The following FUBP1 variants were observed in gnomAD, a reference collection of about 807,000 sequenced individuals.
FUBP1 encodes the protein far upstream element-binding protein 1.
FUBP1 carries 16 observed loss-of-function variants against 94.9 expected under a neutral mutation model. The ratio of observed to expected loss-of-function variants is 0.17; its 90% CI spans 0.11 to 0.26. The LOEUF (loss-of-function observed/expected upper bound fraction) is 0.26. FUBP1 is among the 10% of genes least tolerant of loss of function. The pLI is 1.00. For synonymous variants in FUBP1, 279 were observed against 254.9 expected (o/e 1.09, Z -0.90); for missense variants, 583 against 808.6 (o/e 0.72, Z 3.38).
intron 18 of FUBP1, among the ~76,000 whole-genome samples, chr1:77,952,949 C>A (rs1303207820): frequency 6.6e-6 from 1 of 151,358 alleles, no homozygotes; most frequent in African/African-American, 2.4e-5. Flanking sequence ...ACCAGCCTGG[C>A]CAACATGGTG....
rs1333142664 is a variant in FUBP1 at position 77,949,239 on chromosome 1, G to C, written c.1842C>G (p.Ala614=). The part of the protein sequence containing the change: ...PPGGQPDYSA[A]WAEYYRQQAA... ...CTTGTTGTCTATAATACTCAGCCCA[G>C]GCTGCACTATAATCTGGCTGACCAC... The change falls in exon 19 of 20, where the codon GCC becomes GCG. Residue 614 remains alanine (A), a synonymous_variant. Coordinates refer to ENST00000370768, the MANE Select transcript of FUBP1 (RefSeq NM_003902.5). 2 of 1,613,174 alleles carry C rather than the reference G, an allele frequency of 1.2e-6. No individual in the cohort carries two copies. The highest frequency in any genetic ancestry group is 1.3e-5 in the African/African-American group (1 of 74,882).
intron 2 of FUBP1, 35 bp from the exon 3 acceptor site, chr1:77,968,238 T>G (rs751775470): frequency 7.6e-7 from 1 of 1,323,376 alleles, no homozygotes; most frequent in Non-Finnish European, 1.0e-6. Context: ...TTTTTGCCAA[T>G]TAAGTACAAA....
rs1655533085 is a variant in FUBP1 at position 77,961,828 on chromosome 1, C to T, written c.1344+942G>A. On this transcript the variant is annotated intron_variant, in intron 14 of 19. Coordinates refer to ENST00000370768, the MANE Select transcript of FUBP1 (RefSeq NM_003902.5). Reference sequence around the variant, plus strand: ...TTTTTGCCATGGCATCAACCTCTATCATTACTCTACAAACATCCTCTTCAT... The same window carrying T: ...TTTTTGCCATGGCATCAACCTCTATTATTACTCTACAAACATCCTCTTCAT... Among the ~76,000 whole-genome samples the T allele has an allele frequency of 2.6e-5, 4 of 152,200 alleles. No individual in the cohort carries two copies. In the South Asian group the frequency reaches 8.3e-4, roughly 31 times the overall value.
upstream of FUBP1, chr1:77,979,084 C>CGGGCA (rs2102567315): frequency 7.3e-7 from 1 of 1,361,350 alleles, no homozygotes; most frequent in Non-Finnish European, 9.9e-7. Context: ...AAATGGCGGC[C>CGGGCA]GTCGAAGCTC....
At chr1:77,956,752 C>A in intron 16 of FUBP1, 52 bp from the exon 17 acceptor site, 1 of 1,118,908 alleles carries the variant, frequency 8.9e-7, no homozygotes, top group South Asian at 1.7e-5. Flanking sequence ...AATTCTCTCT[C>A]ACACACACAC....
At chr1:77,963,781 ATTAAGT>A (rs1163917198) in intron 12 of FUBP1, 66 bp from the exon 13 acceptor site, 16 of 1,359,026 alleles carry the variant, frequency 1.2e-5, no homozygotes, top group South Asian at 5.3e-5. Flanking sequence ...TGATAAAATT[ATTAAGT>A]TTATTTTTCC....
rs2102348969 is a variant in FUBP1, at chr1:77,960,474, G to A, written c.1366C>T (p.Pro456Ser). The change falls in exon 15 of 20, where the codon CCA (proline) becomes TCA (serine). Residue 456 changes from proline (P) to serine (S), a missense_variant. By Grantham distance (74) the Pro-to-Ser change is moderately conservative. Coordinates refer to ENST00000370768, the MANE Select transcript of FUBP1 (RefSeq NM_003902.5). ...CCATGGGGCCCATGGGGTACAGGTG[G>A]CCCTAAAGGATTTACTGGGCCCTAC... ...KIGGPVNPLG[P>S]PVPHGPHGVP... 1 of 1,601,086 alleles carries A rather than the reference G, an allele frequency of 6.2e-7. No homozygotes were observed.
intron 14 of FUBP1, among the ~76,000 whole-genome samples, chr1:77,961,518 A>C (rs1655478384): frequency 6.6e-6 from 1 of 152,210 alleles, no homozygotes; most frequent in African/African-American, 2.4e-5. Flanking sequence ...ACATTCATTT[A>C]ATCCCTACAA....
intron 3 of FUBP1, 59 bp from the exon 4 acceptor site, chr1:77,967,725 T>C (rs914883750): frequency 1.0e-6 from 1 of 984,144 alleles, no homozygotes; most frequent in Non-Finnish European, 1.5e-6. Flanking sequence ...TACTTATATA[T>C]TTAACAACAC....
chr1:77,968,226 ATT>A, intron 2 of FUBP1, 23 bp from the exon 3 acceptor site: 1 of 1,485,938 alleles, frequency 6.7e-7, no homozygotes, highest in Non-Finnish European at 9.1e-7. Flanking sequence ...GTGTCTTTTA[ATT>A]TTTTGCCAAT....
chr1:77,963,528 A>G (rs1263863984), intron 13 of FUBP1, 46 bp downstream of exon 13: 1 of 1,167,888 alleles, frequency 8.6e-7, no homozygotes, highest in Admixed American at 2.0e-5. Context: ...AAGTGTCCAG[A>G]AAAATGAATA....
intron 1 of FUBP1, among the ~76,000 whole-genome samples, chr1:77,978,383 C>T (rs1026002192): frequency 5.3e-5 from 8 of 152,222 alleles, no homozygotes; most frequent in Non-Finnish European, 7.3e-5. Context: ...CTTTCAAGTC[C>T]CTTCCTTGTA....
At chr1:77,965,718 C>G (rs910628920) in intron 7 of FUBP1, among the ~76,000 whole-genome samples, 1 of 152,102 alleles carries the variant, frequency 6.6e-6, no homozygotes, top group African/African-American at 2.4e-5. Context: ...GTAAAAATAA[C>G]ATGTCAAATG....
At chr1:77,956,489 T>G (rs921884857) in intron 17 of FUBP1, 83 bp downstream of exon 17, 1 of 706,456 alleles carries the variant, frequency 1.4e-6, no homozygotes, top group East Asian at 2.9e-5. Context: ...TGTCAGAAAT[T>G]TTAGGTATTA....
At chr1:77,965,034 G>GATCAAAAGTAGCCATTTC in intron 8 of FUBP1, 35 bp downstream of exon 8, 1 of 1,601,842 alleles carries the variant, frequency 6.2e-7, no homozygotes, top group Non-Finnish European at 8.6e-7. Context: ...CATCAAAACA[G>GATCAAAAGTAGCCATTTC]ATCAAAAGTA....
chr1:77,947,660 T>C lies in FUBP1; in HGVS notation c.*1106A>G. On this transcript the variant is annotated 3_prime_UTR_variant, in exon 20 of 20. Transcript: ENST00000370768. ...AGTAAAACAATGGATTTCAACAAAA[T>C]ATCAGAACTTCAGCATGAGTGTTAA... 1 of 718,556 alleles carries C rather than the reference T, an allele frequency of 1.4e-6. No individual in the cohort carries two copies. The highest frequency in any genetic ancestry group is 2.2e-6 in the Non-Finnish European group (1 of 449,590). The allele number at this position is 718,556 out of a possible 1,614,324, so 44.5% of individuals were successfully genotyped here. A position where few individuals can be genotyped will look rare whatever the true frequency, so the allele number is the denominator to read the frequency against.
chr1:77,960,064 T>G (rs1007058950), intron 16 of FUBP1, 120 bp downstream of exon 16: 2 of 720,402 alleles, frequency 2.8e-6, no homozygotes, highest in Non-Finnish European at 4.8e-6. Flanking sequence ...CTAACACTGT[T>G]GAAAGAGTAA....
intron 7 of FUBP1, 61 bp from the exon 8 acceptor site, chr1:77,965,292 G>C (rs1481931334): frequency 8.4e-7 from 1 of 1,184,316 alleles, no homozygotes; most frequent in Non-Finnish European, 1.2e-6. Context: ...TTCAAATAGA[G>C]AAATATAAAA....
chr1:77,952,642 A>C (rs943755944), intron 18 of FUBP1, among the ~76,000 whole-genome samples: 3 of 152,214 alleles, frequency 2.0e-5, no homozygotes, highest in Non-Finnish European at 4.4e-5. Flanking sequence ...TGAAGACTGA[A>C]CCAAGTTTTA....
Sources: gnomAD v4.1 joint callset for allele counts (sites outside exome capture counted in the v4.1 genomes callset) on GRCh38, gnomAD v4.1.1 for gene constraint, MANE v1.5 for transcripts, NCBI Gene and HGNC (gene_info 2026-07-23, HGNC 2026-07-21) for gene names.